RNLS: variants seen among roughly 807,000 people sequenced by gnomAD.
RNLS encodes the protein renalase.
Under a neutral mutation model 39.8 loss-of-function variants are expected in RNLS, and 39 were observed. The ratio of observed to expected loss-of-function variants is 0.98; its 90% CI spans 0.76 to 1.28. The LOEUF (loss-of-function observed/expected upper bound fraction) is 1.28, where lower values mean the gene tolerates loss of function less well. Ranked by LOEUF, RNLS falls within the 50% of genes most tolerant of loss-of-function variation. The pLI is 0.00. For synonymous variants in RNLS, 147 were observed against 150.7 expected (o/e 0.98, Z 0.18); for missense variants, 410 against 413.3 (o/e 0.99, Z 0.07).
intron 6 of RNLS, among the ~76,000 whole-genome samples, chr10:88,311,292 A>C (rs1845363614): frequency 6.6e-6 from 1 of 152,230 alleles, no homozygotes; most frequent in Non-Finnish European, 1.5e-5. Flanking sequence ...GTCAAGGTAC[A>C]TGGAAAGACA....
intron 4 of RNLS, among the ~76,000 whole-genome samples, chr10:88,571,147 T>G (rs1333207419): frequency 6.6e-6 from 1 of 151,968 alleles, no homozygotes; most frequent in Non-Finnish European, 1.5e-5. Flanking sequence ...TATGCTTTGC[T>G]ACTTTATTTT....
intron 4 of RNLS, among the ~76,000 whole-genome samples, chr10:88,477,156 A>G (rs1473079718): frequency 1.3e-5 from 2 of 152,112 alleles, no homozygotes; most frequent in Non-Finnish European, 2.9e-5. Flanking sequence ...TTAGAACAAG[A>G]ACTGGAAAAT....
At chr10:88,564,337 A>T (rs1367139226) in intron 4 of RNLS, among the ~76,000 whole-genome samples, 9 of 151,900 alleles carry the variant, frequency 5.9e-5, no homozygotes, top group Admixed American at 5.9e-4. Context: ...ACACACACAC[A>T]CACACACACA....
chr10:88,522,935 A>G (rs1846847012), intron 4 of RNLS, among the ~76,000 whole-genome samples: 1 of 152,148 alleles, frequency 6.6e-6, no homozygotes, highest in Non-Finnish European at 1.5e-5. Context: ...TTTTCCCCAA[A>G]GAACTTCCTG....
At chr10:88,465,797 T>C (rs1263086178) in intron 4 of RNLS, among the ~76,000 whole-genome samples, 1 of 152,156 alleles carries the variant, frequency 6.6e-6, no homozygotes, top group Non-Finnish European at 1.5e-5. Context: ...CATAATTGTA[T>C]ATTATTTGCT....
At chr10:88,393,965 G>A (rs1047329931) in intron 4 of RNLS, among the ~76,000 whole-genome samples, 1 of 152,154 alleles carries the variant, frequency 6.6e-6, no homozygotes, top group Non-Finnish European at 1.5e-5. Context: ...TTTAATAAAT[G>A]GTGCTGGGAA....
chr10:88,562,256 T>TAAA (rs1849236856), intron 4 of RNLS, among the ~76,000 whole-genome samples: 2 of 152,006 alleles, frequency 1.3e-5, no homozygotes, highest in Non-Finnish European at 2.9e-5. Flanking sequence ...GGCATAGCAT[T>TAAA]TAATAGAGAA....
rs137936426 is a variant in RNLS, at chr10:88,562,646, C to T, written c.526+10257G>A. On this transcript the variant is annotated intron_variant, in intron 4 of 6. Coordinates refer to ENST00000331772, the MANE Select transcript of RNLS (RefSeq NM_001031709.3). ...CTGTGTGGGAAGGAATAAAGAGATA[C>T]TTGATAAAACCAGCAAAAATTTAAA... Among the ~76,000 whole-genome samples, 645 of 152,042 alleles carry T rather than the reference C, an allele frequency of 4.2e-3. 22 individuals carry two copies. The South Asian group carries it at 0.075, about 18-fold the overall frequency.
chr10:88,185,638 G>A, the RNLS span, among the ~76,000 whole-genome samples: 13,046 of 151,868 alleles, frequency 0.086, 586 homozygotes, highest in Middle Eastern at 0.11. Context: ...TATAGATTGG[G>A]CATTATTTTC....
At chr10:88,372,924 A>T (rs1188824869) in intron 4 of RNLS, among the ~76,000 whole-genome samples, 2 of 152,150 alleles carry the variant, frequency 1.3e-5, no homozygotes, top group Non-Finnish European at 2.9e-5. Context: ...TTATGCCATC[A>T]TTCTTTTTGT....
intron 4 of RNLS, among the ~76,000 whole-genome samples, chr10:88,420,629 G>T (rs1455106391): frequency 6.6e-6 from 1 of 152,104 alleles, no homozygotes; most frequent in African/African-American, 2.4e-5. Context: ...TGTATATAGA[G>T]CCCACCTGGA....
intron 4 of RNLS, among the ~76,000 whole-genome samples, chr10:88,419,854 C>G (rs1200805332): frequency 6.6e-6 from 1 of 151,558 alleles, no homozygotes; most frequent in Non-Finnish European, 1.5e-5. Context: ...AAAAAAAGTA[C>G]AAAAAATTAG....
Position 88,285,305 on chromosome 10 carries a change from T to C in RNLS, c.*49A>G, listed in dbSNP as rs745414571. 9.7e-6 allele frequency: 14 copies of C among 1,441,630 alleles called. No individual in the cohort carries two copies. The Admixed American group carries it at 1.7e-4, about 17-fold the overall frequency. The allele number at this position is 1,441,630 out of a possible 1,614,324, so 89.3% of individuals were successfully genotyped here. Reference sequence around the variant, plus strand: ...AAACAAAATAATCAATAACAGAAAATTGTGAAAATAAAAACCCAATACACA... The same window carrying C: ...AAACAAAATAATCAATAACAGAAAACTGTGAAAATAAAAACCCAATACACA... On this transcript the variant is annotated 3_prime_UTR_variant, in exon 7 of 7. Coordinates refer to ENST00000331772, the MANE Select transcript of RNLS (RefSeq NM_001031709.3).
At chr10:88,565,894 C>A (rs575064789) in intron 4 of RNLS, among the ~76,000 whole-genome samples, 1 of 151,462 alleles carries the variant, frequency 6.6e-6, no homozygotes, top group Non-Finnish European at 1.5e-5. Context: ...GGACTACAGG[C>A]GCACTCCACC....
At chr10:88,231,188 G>C in the RNLS span, among the ~76,000 whole-genome samples, 36 of 152,292 alleles carry the variant, frequency 2.4e-4, no homozygotes, top group Admixed American at 7.2e-4. Flanking sequence ...TGGAGACAAG[G>C]CTTTAAAGAG....
the RNLS span, among the ~76,000 whole-genome samples, chr10:88,258,810 C>T: frequency 1.3e-5 from 2 of 152,184 alleles, no homozygotes; most frequent in African/African-American, 2.4e-5. Context: ...TTAGGAACTA[C>T]ATCCACTCTT....
intron 4 of RNLS, among the ~76,000 whole-genome samples, chr10:88,390,827 G>A (rs1038269868): frequency 3.9e-5 from 6 of 152,156 alleles, no homozygotes; most frequent in African/African-American, 9.7e-5. Context: ...TATCATGTTA[G>A]ATTTTACTGT....
intron 4 of RNLS, among the ~76,000 whole-genome samples, chr10:88,549,846 C>A (rs1589997825): frequency 1.3e-5 from 2 of 152,140 alleles, no homozygotes; most frequent in South Asian, 4.1e-4. Flanking sequence ...AAATTGAAAT[C>A]TGTTTTTTAA....
chr10:88,498,037 G>A (rs1469907677), intron 4 of RNLS, among the ~76,000 whole-genome samples: 1 of 151,994 alleles, frequency 6.6e-6, no homozygotes, highest in Non-Finnish European at 1.5e-5. Flanking sequence ...ACCAGTAGGT[G>A]AAAGTTTGAT....
Sources: allele counts gnomAD v4.1 joint callset (sites outside exome capture counted in the v4.1 genomes callset), GRCh38; gene constraint gnomAD v4.1.1; transcripts MANE v1.5; gene names NCBI Gene and HGNC (gene_info 2026-07-23, HGNC 2026-07-21).